Variants in ZMYM2 observed in about 807,000 individuals in gnomAD.
ZMYM2 encodes zinc finger MYM-type protein 2.
In ZMYM2, 56 loss-of-function variants were observed where a neutral mutation model predicts 162.8. The ratio of observed to expected loss-of-function variants is 0.34; its 90% CI spans 0.28 to 0.43. ZMYM2 has a LOEUF of 0.43. Ranked by LOEUF, ZMYM2 falls within the 20% of genes least tolerant of loss-of-function variation. The probability of loss-of-function intolerance (pLI) is 1.00; values close to 1 mark genes in which losing one functional copy is unlikely to be tolerated. For synonymous variants in ZMYM2, 510 were observed against 541.6 expected (o/e 0.94, Z 0.81); for missense variants, 1,275 against 1,621.8 (o/e 0.79, Z 3.67).
At chr13:19,886,276 T>C in the ZMYM2 span, among the ~76,000 whole-genome samples, 1 of 147,168 alleles carries the variant, frequency 6.8e-6, no homozygotes, top group Non-Finnish European at 1.5e-5. Flanking sequence ...GCGATTCTCC[T>C]GCCTCAGCCT....
Position 20,067,358 on chromosome 13 carries a change from A to G in ZMYM2, c.3421A>G (p.Ser1141Gly). Residue 1141 changes from serine to glycine, a missense_variant, in exon 21 of 25, where the codon AGC (serine) becomes GGC (glycine). Physicochemically the swap from Ser to Gly is moderately conservative, Grantham distance 56 (BLOSUM62 0). This residue lies in a region of ZMYM2 where 229 missense variants were observed against 283.8 expected (regional missense o/e 0.81). Coordinates refer to ENST00000610343, the MANE Select transcript of ZMYM2 (RefSeq NM_197968.4). The part of the protein sequence containing the change: ...RPNGENYAPD[S>G]IYYLCLGIQE... ...AAATGGAGAGAATTATGCACCTGAC[A>G]GCATCTATTACCTTTGCCTTGGAAT... The G allele has an allele frequency of 2.5e-6, 4 of 1,611,436 alleles. No individual in the cohort carries two copies. Among genetic ancestry groups the G allele is most frequent in the Non-Finnish European group, 3.4e-6 (4 of 1,178,530 alleles).
At chr13:19,997,341 A>G (rs1048779498) in intron 3 of ZMYM2, among the ~76,000 whole-genome samples, 2 of 152,192 alleles carry the variant, frequency 1.3e-5, no homozygotes, top group Non-Finnish European at 2.9e-5. Context: ...GTATATTCCT[A>G]CAAGTGAAGT....
chr13:19,993,803 A>G lies in ZMYM2; in HGVS notation c.731A>G (p.Tyr244Cys), dbSNP rs1177875887. Residue 244 changes from tyrosine (Y) to cysteine (C), a missense_variant, in exon 3 of 25, where the codon TAC (tyrosine) becomes TGC (cysteine). By Grantham distance (194) the Tyr-to-Cys change is radical. Around this residue, in one of 10 missense-constraint regions of ZMYM2, gnomAD observed 295 missense variants for 286.7 expected, o/e 1.03. Coordinates refer to ENST00000610343, the MANE Select transcript of ZMYM2 (RefSeq NM_197968.4). ...AATTTTGGTGTTAATATACAAACAT[A>G]CACCCCATCTTTAACTTCACAGACC... ...SSNFGVNIQTYTPSLTSQTKT... is the reference protein window; with the variant it reads ...SSNFGVNIQTCTPSLTSQTKT... The G allele has an allele frequency of 6.2e-7, 1 of 1,614,204 alleles. No individual in the cohort carries two copies. Among genetic ancestry groups the G allele is most frequent in the Admixed American group, 1.7e-5 (1 of 60,024 alleles).
At chr13:19,876,894 G>A in the ZMYM2 span, among the ~76,000 whole-genome samples, 1 of 152,090 alleles carries the variant, frequency 6.6e-6, no homozygotes, top group Non-Finnish European at 1.5e-5. Context: ...ATTTTGTGTT[G>A]CTAAACAGAA....
chr13:19,988,569 G>A (rs2139652046), intron 2 of ZMYM2, among the ~76,000 whole-genome samples: 1 of 152,204 alleles, frequency 6.6e-6, no homozygotes, highest in Non-Finnish European at 1.5e-5. Context: ...GGATCACGAG[G>A]TCAAGAGATC....
At chr13:19,905,677 A>G in the ZMYM2 span, among the ~76,000 whole-genome samples, 1 of 152,134 alleles carries the variant, frequency 6.6e-6, no homozygotes, top group African/African-American at 2.4e-5. Context: ...GGAGGTTCTC[A>G]CCCATGTTTT....
chr13:20,064,539 A>T lies in ZMYM2; in HGVS notation c.3126A>T (p.Lys1042Asn). The T allele has an allele frequency of 6.3e-7, 1 of 1,576,738 alleles. No individual in the cohort carries two copies. The highest frequency in any genetic ancestry group is 1.9e-4 in the Middle Eastern group (1 of 5,340). The change falls in exon 19 of 25, where the codon AAA (lysine) becomes AAT (asparagine). Residue 1042 changes from lysine to asparagine, a missense_variant. Physicochemically the swap from Lys to Asn is moderately conservative, Grantham distance 94. Coordinates refer to ENST00000610343, the MANE Select transcript of ZMYM2 (RefSeq NM_197968.4). ...EYEEQPRPRSKKKGAKRKAVS... is the reference protein window; with the variant it reads ...EYEEQPRPRSNKKGAKRKAVS... ...AGGAACAGCCCAGACCTCGATCTAA[A>T]AAAAAGGTACATTCACTTAATAGCC...
At chr13:20,027,000 CTCTATA>C (rs749826345) in intron 8 of ZMYM2, among the ~76,000 whole-genome samples, 197 bp from the exon 9 acceptor site, 4 of 151,924 alleles carry the variant, frequency 2.6e-5, no homozygotes, top group African/African-American at 9.7e-5. Context: ...TGAGTTTTTT[CTCTATA>C]TCTATGTATG....
chr13:19,928,808 A>C, the ZMYM2 span, among the ~76,000 whole-genome samples: 17 of 151,870 alleles, frequency 1.1e-4, no homozygotes, highest in South Asian at 6.2e-4. Flanking sequence ...AAAAAAAAAA[A>C]AACAAAAACC....
chr13:19,979,083 G>A (rs921502600), intron 2 of ZMYM2, among the ~76,000 whole-genome samples: 13 of 152,010 alleles, frequency 8.6e-5, no homozygotes, highest in Admixed American at 1.3e-4. Context: ...ACTGACTTCT[G>A]GCTTCTATAG....
At chr13:19,884,532 C>T in the ZMYM2 span, among the ~76,000 whole-genome samples, 3 of 151,828 alleles carry the variant, frequency 2.0e-5, no homozygotes, top group Non-Finnish European at 4.4e-5. Context: ...AAGATCGCGC[C>T]ACTGCACTCC....
chr13:20,060,401 A>G (rs185712818), intron 16 of ZMYM2, among the ~76,000 whole-genome samples: 1 of 152,128 alleles, frequency 6.6e-6, no homozygotes, highest in African/African-American at 2.4e-5. Flanking sequence ...TTTGTGGGCC[A>G]TGTGCAGTGG....
intron 4 of ZMYM2, 55 bp from the exon 5 acceptor site, chr13:20,005,019 C>CT: frequency 1.4e-6 from 2 of 1,448,864 alleles, no homozygotes; most frequent in Non-Finnish European, 1.9e-6. Flanking sequence ...ACTTATGACT[C>CT]TTATATTTGA....
At chr13:19,973,413 G>A (rs928967237) in intron 2 of ZMYM2, among the ~76,000 whole-genome samples, 2 of 151,876 alleles carry the variant, frequency 1.3e-5, no homozygotes, top group African/African-American at 2.4e-5. Context: ...GTTTCTGCCT[G>A]TAATCCCAGC....
chr13:19,963,467 T>C lies in ZMYM2; in HGVS notation c.-11+3441T>C, dbSNP rs181006293. 5.4e-3 allele frequency among the ~76,000 whole-genome samples: 815 copies of C among 152,326 alleles called. 31 individuals carry two copies. Among genetic ancestry groups the C allele is most frequent in the Admixed American group, 0.048 (741 of 15,310 alleles). On this transcript the variant is annotated intron_variant, in intron 2 of 24. Coordinates refer to ENST00000610343, the MANE Select transcript of ZMYM2 (RefSeq NM_197968.4). The stretch of plus-strand genomic sequence containing the variant: ...TTGAGTGCAGCAATCTGAGTAACAG[T>C]TGCAGCTTATTTTCATATTTTATTT...
At chr13:19,961,314 A>C (rs1180116378) in intron 2 of ZMYM2, among the ~76,000 whole-genome samples, 2 of 152,202 alleles carry the variant, frequency 1.3e-5, no homozygotes, top group African/African-American at 4.8e-5. Context: ...TTAGATTTTT[A>C]TACTGCCTTG....
At chr13:19,907,753 C>A in the ZMYM2 span, among the ~76,000 whole-genome samples, 2 of 66,888 alleles carry the variant, frequency 3.0e-5, no homozygotes, top group Non-Finnish European at 5.3e-5. Context: ...TGGAATGAGA[C>A]TCTGTCTCAA....
chr13:19,917,357 G>A, the ZMYM2 span, among the ~76,000 whole-genome samples: 1 of 152,076 alleles, frequency 6.6e-6, no homozygotes, highest in Non-Finnish European at 1.5e-5. Flanking sequence ...GAGGGGCAGA[G>A]GTGGGTGGAT....
chr13:19,930,685 G>A, the ZMYM2 span, among the ~76,000 whole-genome samples: 2 of 150,850 alleles, frequency 1.3e-5, no homozygotes, highest in Non-Finnish European at 3.0e-5. Context: ...GATTACAGAC[G>A]ACCGCCACCA....
Sources: gnomAD v4.1 joint callset for allele counts (sites outside exome capture counted in the v4.1 genomes callset) on GRCh38, gnomAD v4.1.1 for gene constraint, gnomAD v4.1.1 regional missense constraint, MANE v1.5 for transcripts, NCBI Gene and HGNC (gene_info 2026-07-23, HGNC 2026-07-21) for gene names.